Variants in CACNA1G observed in about 807,000 individuals in gnomAD.
CACNA1G encodes the protein calcium voltage-gated channel subunit alpha1 G, also known as voltage-dependent T-type calcium channel subunit alpha-1G.
A neutral mutation model predicts 219.4 loss-of-function variants in CACNA1G; 67 were observed. The ratio of observed to expected loss-of-function variants is 0.31; its 90% CI spans 0.25 to 0.37. The LOEUF is 0.37. CACNA1G is among the 10% of genes least tolerant of loss of function. The pLI is 1.00. For synonymous variants in CACNA1G, 1,296 were observed against 1,345.3 expected, an observed-to-expected ratio of 0.96 and a Z score of 0.80; for missense variants, 2,380 against 3,231.4, an observed-to-expected ratio of 0.74 and a Z score of 6.39.
intron 33 of CACNA1G, among the ~76,000 whole-genome samples, chr17:50,619,304 C>G (rs1172409647): frequency 6.6e-6 from 1 of 152,160 alleles, no homozygotes; most frequent in Admixed American, 6.5e-5. Flanking sequence ...CTGTTTCCTT[C>G]CTGTTTCTTT....
At position 50,568,884 on chromosome 17, in the gene CACNA1G, T is replaced by A; in HGVS notation, c.257T>A (p.Ile86Asn). ...ACTGCCAGTACCTGGTTTGAGCGCA[T>A]CAGCATGTTGGTCATCCTTCTCAAC... ...RTVCNPWFER[I>N]SMLVILLNCV... The change falls in exon 2 of 38, where the codon ATC becomes AAC. Residue 86 changes from isoleucine (I) to asparagine (N), a missense_variant. Coordinates refer to ENST00000359106, the MANE Select transcript of CACNA1G (RefSeq NM_018896.5). 6.2e-7 allele frequency: 1 copy of A among 1,613,694 alleles called. No individual in the cohort carries two copies.
chr17:50,575,862 G>T lies in CACNA1G; in HGVS notation c.1460G>T (p.Arg487Leu). The T allele has an allele frequency of 1.3e-6, 2 of 1,550,352 alleles. No homozygotes were observed. Among genetic ancestry groups the T allele is most frequent in the East Asian group, 2.4e-5 (1 of 41,142 alleles). ...AGCAGCAGCTGCTCTCGCTCCCACC[G>T]CCGCCTATCCGTCCACCACCTGGTG... is the stretch of plus-strand genomic sequence containing the variant. Reference protein sequence around the residue: ...QPSSSCSRSHRRLSVHHLVHH... With the variant: ...QPSSSCSRSHLRLSVHHLVHH... The change falls in exon 8 of 38, where the codon CGC becomes CTC. Residue 487 changes from arginine (R) to leucine (L), a missense_variant. By Grantham distance (102) the Arg-to-Leu change is moderately radical. This residue lies in a region of CACNA1G where 434 missense variants were observed against 417.3 expected (regional missense o/e 1.04). Transcript: ENST00000359106.
At chr17:50,565,961 G>A (rs563622763) in intron 1 of CACNA1G, among the ~76,000 whole-genome samples, 5 of 152,146 alleles carry the variant, frequency 3.3e-5, no homozygotes, top group Admixed American at 2.0e-4. Flanking sequence ...ACTCCAGCCC[G>A]GACAGTCACC....
Position 50,595,073 on chromosome 17 carries a change from A to T in CACNA1G, c.2979+12A>T. The T allele has an allele frequency of 6.5e-7, 1 of 1,550,050 alleles. No homozygotes were observed. The highest frequency in any genetic ancestry group is 1.7e-4 in the Middle Eastern group (1 of 5,988). On this transcript the variant is annotated intron_variant, in intron 14 of 37. Transcript: ENST00000359106. ...TCGACTCCCAGGGGGTAGGTACGCGATCATGAGCCGGCATGCCTCCCGTGC... is the reference window on the plus strand; with the variant it reads ...TCGACTCCCAGGGGGTAGGTACGCGTTCATGAGCCGGCATGCCTCCCGTGC...
At chr17:50,574,036 G>T (rs75282414) in intron 7 of CACNA1G, among the ~76,000 whole-genome samples, 1 of 152,188 alleles carries the variant, frequency 6.6e-6, no homozygotes, top group Admixed American at 6.5e-5. Flanking sequence ...CACTGCTGAC[G>T]TATGCTGTAA....
intron 26 of CACNA1G, among the ~76,000 whole-genome samples, chr17:50,613,584 A>G (rs945533702): frequency 6.6e-6 from 1 of 152,228 alleles, no homozygotes; most frequent in Non-Finnish European, 1.5e-5. Flanking sequence ...CAACTCTCCC[A>G]GCCTCTCCTC....
intron 7 of CACNA1G, among the ~76,000 whole-genome samples, chr17:50,574,600 G>A (rs1221300241): frequency 6.6e-6 from 1 of 152,140 alleles, no homozygotes; most frequent in Admixed American, 6.5e-5. Flanking sequence ...TCCTGGGCTT[G>A]GGAGAGGGGG....
chr17:50,587,966 C>T (rs775270707), intron 9 of CACNA1G, among the ~76,000 whole-genome samples: 3 of 152,122 alleles, frequency 2.0e-5, no homozygotes, highest in Admixed American at 6.5e-5. Flanking sequence ...TCCTTCTCCA[C>T]GCACAGTAGT....
Position 50,624,010 on chromosome 17 carries a change from G to A in CACNA1G, c.6164G>A (p.Arg2055Gln), listed in dbSNP as rs202195188. 3.8e-5 allele frequency: 62 copies of A among 1,613,004 alleles called. No individual in the cohort carries two copies. Among genetic ancestry groups the A allele is most frequent in the Admixed American group, 1.3e-4 (8 of 59,996 alleles). Residue 2055 changes from arginine to glutamine, a missense_variant, in exon 36 of 38, where the codon CGG becomes CAG. Around this residue, in one of 17 missense-constraint regions of CACNA1G, gnomAD observed 672 missense variants for 670.5 expected, o/e 1.00. Coordinates refer to ENST00000359106, the MANE Select transcript of CACNA1G (RefSeq NM_018896.5). The stretch of plus-strand genomic sequence containing the variant: ...CTGCCCAATGACAGCTACATGTGTC[G>A]GCATGGGAGCACTGCCGAGGGGCCC... ...HSLPNDSYMC[R>Q]HGSTAEGPLG...
intron 7 of CACNA1G, 61 bp downstream of exon 7, chr17:50,573,174 T>C: frequency 8.2e-7 from 1 of 1,223,756 alleles, no homozygotes; most frequent in Non-Finnish European, 1.2e-6. Flanking sequence ...GTGGGGGCAG[T>C]CCAGAGAGGG....
intron 1 of CACNA1G, among the ~76,000 whole-genome samples, chr17:50,562,614 C>T (rs2036183108): frequency 1.3e-5 from 2 of 152,276 alleles, no homozygotes; most frequent in African/African-American, 2.4e-5. Flanking sequence ...TAAGCTGGTC[C>T]AGGTTACTCC....
intron 9 of CACNA1G, among the ~76,000 whole-genome samples, chr17:50,588,681 A>G (rs2043516245): frequency 6.6e-6 from 1 of 152,056 alleles, no homozygotes; most frequent in South Asian, 2.1e-4. Flanking sequence ...GATCTGCTGG[A>G]GCAACGGGCT....
intron 26 of CACNA1G, among the ~76,000 whole-genome samples, chr17:50,611,734 C>T (rs2049255064): frequency 6.6e-6 from 1 of 152,164 alleles, no homozygotes; most frequent in African/African-American, 2.4e-5. Flanking sequence ...TCACACTCAC[C>T]CCAAAACATC....
intron 7 of CACNA1G, 186 bp downstream of exon 7, chr17:50,573,299 G>A: frequency 1.7e-6 from 1 of 589,238 alleles, no homozygotes; most frequent in Admixed American, 2.7e-5. Flanking sequence ...CCAAGGTCAA[G>A]GCGGGACTTA....
rs1021025798 is a variant in CACNA1G, at chr17:50,569,924, G to T, written c.586+121G>T. On this transcript the variant is annotated intron_variant, in intron 4 of 37. Coordinates refer to ENST00000359106, the MANE Select transcript of CACNA1G (RefSeq NM_018896.5). ...CCCTCACAGGCCCCGTCAGAGAAGG[G>T]CTCAGTGGGGAGCTGGGATTGCTGG... 3 of 705,354 alleles carry T rather than the reference G, an allele frequency of 4.3e-6. No homozygotes were observed. In the African/African-American group the frequency reaches 5.3e-5, roughly 12 times the overall value. The allele number at this position is 705,354 out of a possible 1,614,324, so 43.7% of individuals were successfully genotyped here.
rs377749912 is a variant in CACNA1G at position 50,618,014 on chromosome 17, C to T, written c.5227-34C>T. On this transcript the variant is annotated intron_variant, in intron 30 of 37. Transcript: ENST00000359106. This position sits in a 1 kb window ranked among gnomAD's most constrained non-coding sequence, Gnocchi z 5.3. ...CAGAGAAGCTGACTGGGAGACCCAGCGGCATCGTTTCTATTTCTTCTCCTT... is the reference window on the plus strand; with the variant it reads ...CAGAGAAGCTGACTGGGAGACCCAGTGGCATCGTTTCTATTTCTTCTCCTT... The T allele has an allele frequency of 1.9e-4, 306 of 1,612,094 alleles. No individual in the cohort carries two copies. Among genetic ancestry groups the T allele is most frequent in the Non-Finnish European group, 2.4e-4 (278 of 1,178,422 alleles).
intron 7 of CACNA1G, among the ~76,000 whole-genome samples, chr17:50,574,645 C>T (rs1190183012): frequency 6.6e-6 from 1 of 152,156 alleles, no homozygotes; most frequent in Non-Finnish European, 1.5e-5. Context: ...GGCCTAGTTT[C>T]CACCCTCCCA....
At chr17:50,612,828 C>T (rs1251462378) in intron 26 of CACNA1G, among the ~76,000 whole-genome samples, 2 of 152,234 alleles carry the variant, frequency 1.3e-5, no homozygotes, top group Non-Finnish European at 2.9e-5. Flanking sequence ...GGCAGCTCAT[C>T]CTGGTGGGAG....
intron 22 of CACNA1G, 74 bp downstream of exon 22, chr17:50,604,355 TG>T: frequency 6.5e-7 from 1 of 1,540,334 alleles, no homozygotes; most frequent in Non-Finnish European, 8.9e-7. Flanking sequence ...CTGGGTCCTA[TG>T]GCTCAAGCTG....
Sources: allele counts gnomAD v4.1 joint callset (sites outside exome capture counted in the v4.1 genomes callset), GRCh38; gene constraint gnomAD v4.1.1; regional missense constraint gnomAD v4.1.1; non-coding constraint Gnocchi (gnomAD v3.1); transcripts MANE v1.5; gene names NCBI Gene and HGNC (gene_info 2026-07-23, HGNC 2026-07-21).